Variants in CACNA2D3 observed in about 807,000 individuals in gnomAD.
CACNA2D3 encodes voltage-dependent calcium channel subunit alpha-2/delta-3.
CACNA2D3 carries 60 observed loss-of-function variants against 160.6 expected under a neutral mutation model. That is an observed-to-expected ratio of 0.37 (90% CI 0.30 to 0.46). The LOEUF (loss-of-function observed/expected upper bound fraction) is 0.46, where lower values mean the gene tolerates loss of function less well. Ranked by LOEUF, CACNA2D3 falls within the 20% of genes least tolerant of loss-of-function variation. The pLI is 1.00. For synonymous variants in CACNA2D3, 558 were observed against 492.9 expected (o/e 1.13, Z -1.75); for missense variants, 1,205 against 1,365.0 (o/e 0.88, Z 1.85).
chr3:54,847,510 G>A (rs1375534451), intron 17 of CACNA2D3, among the ~76,000 whole-genome samples: 1 of 152,186 alleles, frequency 6.6e-6, no homozygotes, highest in Admixed American at 6.5e-5. Flanking sequence ...CTTCTCACTT[G>A]CATCATTGTT....
chr3:54,506,850 G>A (rs1701379187), intron 5 of CACNA2D3, among the ~76,000 whole-genome samples: 1 of 152,202 alleles, frequency 6.6e-6, no homozygotes, highest in African/African-American at 2.4e-5. Context: ...TCCTCTATGA[G>A]TAAAGCAAGA....
At chr3:54,510,080 T>C (rs1026144183) in intron 5 of CACNA2D3, among the ~76,000 whole-genome samples, 1 of 152,108 alleles carries the variant, frequency 6.6e-6, no homozygotes, top group African/African-American at 2.4e-5. Context: ...GGTGGATGGA[T>C]GGATAAATGG....
Position 55,074,372 on chromosome 3 carries a change from A to AACT in CACNA2D3, c.*166_*167insACT, listed in dbSNP as rs1704902608. On this transcript the variant is annotated 3_prime_UTR_variant, in exon 38 of 38. Transcript: ENST00000474759. ...GTGCGTGATATAAACTCTTAAAGATATGTTGACAAAAAGTTATCTATCATC... is the reference window on the plus strand; with the variant it reads ...GTGCGTGATATAAACTCTTAAAGATAACTTGTTGACAAAAAGTTATCTATCATC... 6 of 597,664 alleles carry AACT rather than the reference A, an allele frequency of 1.0e-5. No homozygotes were observed. The highest frequency in any genetic ancestry group is 4.1e-5 in the South Asian group (2 of 48,258). 37.0% of individuals were successfully genotyped at this position (597,664 alleles called of 1,614,324 possible).
At chr3:54,642,679 C>T (rs1186317807) in intron 11 of CACNA2D3, among the ~76,000 whole-genome samples, 1 of 152,170 alleles carries the variant, frequency 6.6e-6, no homozygotes, top group African/African-American at 2.4e-5. Context: ...AAACTTCTCT[C>T]TATCTCCCAC....
chr3:54,610,816 A>G (rs1698736538), intron 9 of CACNA2D3, among the ~76,000 whole-genome samples: 1 of 152,040 alleles, frequency 6.6e-6, no homozygotes, highest in Non-Finnish European at 1.5e-5. Flanking sequence ...GTTGGTAGAG[A>G]TGGGGTTTCA....
At chr3:54,811,029 T>C (rs1303584096) in intron 13 of CACNA2D3, among the ~76,000 whole-genome samples, 2 of 152,160 alleles carry the variant, frequency 1.3e-5, no homozygotes, top group South Asian at 2.1e-4. Context: ...ATGTCCCCGA[T>C]TGAGTCCTGG....
At chr3:54,621,520 G>A (rs1178733544) in intron 9 of CACNA2D3, among the ~76,000 whole-genome samples, 1 of 152,204 alleles carries the variant, frequency 6.6e-6, no homozygotes, top group African/African-American at 2.4e-5. Context: ...CAAAGATAAA[G>A]AGCCACCCTC....
intron 35 of CACNA2D3, among the ~76,000 whole-genome samples, chr3:55,046,057 T>C (rs923948147): frequency 6.6e-6 from 1 of 151,910 alleles, no homozygotes. Flanking sequence ...TTTAACTATA[T>C]CCTAAAAATT....
intron 17 of CACNA2D3, among the ~76,000 whole-genome samples, chr3:54,870,323 A>G (rs1373547886): frequency 6.6e-6 from 1 of 152,180 alleles, no homozygotes; most frequent in Non-Finnish European, 1.5e-5. Flanking sequence ...AAAAATGGCA[A>G]CCTATGGTTT....
chr3:54,535,048 G>C (rs6445690), intron 5 of CACNA2D3, among the ~76,000 whole-genome samples: 94,600 of 152,160 alleles, frequency 0.62, 29,637 homozygotes, highest in Non-Finnish European at 0.65. Flanking sequence ...ATTGTTTTAT[G>C]CTTCATCATT....
At chr3:55,035,852 A>T (rs1703805027) in intron 35 of CACNA2D3, among the ~76,000 whole-genome samples, 1 of 152,212 alleles carries the variant, frequency 6.6e-6, no homozygotes, top group South Asian at 2.1e-4. Context: ...TCTATATGTT[A>T]TGTGAAGTGG....
chr3:54,608,856 A>G (rs1698689191), intron 9 of CACNA2D3, among the ~76,000 whole-genome samples: 1 of 152,206 alleles, frequency 6.6e-6, no homozygotes, highest in Non-Finnish European at 1.5e-5. Flanking sequence ...GAGGCTAAGT[A>G]GTGTGGGGAG....
chr3:54,729,032 T>G (rs902841345), intron 11 of CACNA2D3, among the ~76,000 whole-genome samples: 2 of 152,200 alleles, frequency 1.3e-5, no homozygotes, highest in African/African-American at 4.8e-5. Flanking sequence ...CTTCTGGATT[T>G]TTTTCTGTAG....
chr3:54,845,221 C>T (rs3773604), intron 16 of CACNA2D3, among the ~76,000 whole-genome samples: 20,056 of 152,220 alleles, frequency 0.13, 1,412 homozygotes, highest in South Asian at 0.21. Flanking sequence ...TGTAGTGCAA[C>T]GGAAACTTTT....
intron 17 of CACNA2D3, among the ~76,000 whole-genome samples, chr3:54,848,846 C>G (rs947005805): frequency 6.6e-6 from 1 of 152,168 alleles, no homozygotes. Context: ...GTGCATAGAT[C>G]GTAGCTTGTT....
chr3:54,640,332 G>T (rs1253508717), intron 10 of CACNA2D3, among the ~76,000 whole-genome samples: 1 of 152,152 alleles, frequency 6.6e-6, no homozygotes, highest in Non-Finnish European at 1.5e-5. Flanking sequence ...AATAGAGAAG[G>T]TTTTTACTTA....
intron 35 of CACNA2D3, among the ~76,000 whole-genome samples, chr3:55,018,706 T>C (rs965381601): frequency 2.0e-5 from 3 of 152,092 alleles, no homozygotes; most frequent in African/African-American, 7.2e-5. Context: ...AAATTGGAAA[T>C]GTTTCTTGGT....
At chr3:54,778,265 G>T (rs553650521) in intron 13 of CACNA2D3, among the ~76,000 whole-genome samples, 1 of 152,098 alleles carries the variant, frequency 6.6e-6, no homozygotes, top group Non-Finnish European at 1.5e-5. Flanking sequence ...CCTCCCGGCA[G>T]GCCCCTTCTC....
intron 6 of CACNA2D3, among the ~76,000 whole-genome samples, chr3:54,564,158 C>G (rs1451831306): frequency 6.6e-6 from 1 of 152,116 alleles, no homozygotes; most frequent in African/African-American, 2.4e-5. Flanking sequence ...GGTAGCCAAC[C>G]GTCTCGCTAT....
Sources: allele counts gnomAD v4.1 joint callset (sites outside exome capture counted in the v4.1 genomes callset), GRCh38; gene constraint gnomAD v4.1.1; transcripts MANE v1.5; gene names NCBI Gene and HGNC (gene_info 2026-07-23, HGNC 2026-07-21).